NRXN3: variants seen among roughly 807,000 people sequenced by gnomAD.
NRXN3 encodes neurexin III.
Under a neutral mutation model 137.6 loss-of-function variants are expected in NRXN3, and 32 were observed. That is an observed-to-expected ratio of 0.23 (90% confidence interval 0.18 to 0.31). The LOEUF (loss-of-function observed/expected upper bound fraction) is 0.31. Among genes scored for constraint, NRXN3 ranks in the 10% least tolerant of loss-of-function variants. NRXN3 has a pLI of 1.00. For missense variants in NRXN3, 1,574 were observed against 2,062.5 expected (o/e 0.76, Z 4.59); for synonymous variants, 798 against 784.5 (o/e 1.02, Z -0.29).
At chr14:79,081,486 C>T (rs1419394025) in intron 15 of NRXN3, among the ~76,000 whole-genome samples, 1 of 151,976 alleles carries the variant, frequency 6.6e-6, no homozygotes, top group Non-Finnish European at 1.5e-5. Context: ...TGGTGGCATG[C>T]ACCTGTAGTA....
At chr14:78,815,535 T>C (rs144349134) in intron 10 of NRXN3, among the ~76,000 whole-genome samples, 1 of 150,108 alleles carries the variant, frequency 6.7e-6, no homozygotes, top group African/African-American at 2.4e-5. Flanking sequence ...CTTAAGTTTC[T>C]AAGCAGACTC....
At chr14:78,649,104 CT>C (rs1262482389) in intron 5 of NRXN3, among the ~76,000 whole-genome samples, 2 of 151,744 alleles carry the variant, frequency 1.3e-5, no homozygotes, top group African/African-American at 2.4e-5. Flanking sequence ...TGTCGGGTGC[CT>C]TTTTTTTGAG....
At chr14:78,567,813 C>T (rs1277951191) in intron 4 of NRXN3, among the ~76,000 whole-genome samples, 1 of 150,126 alleles carries the variant, frequency 6.7e-6, no homozygotes, top group Non-Finnish European at 1.5e-5. Flanking sequence ...CCTCTAAGTG[C>T]ACAGGAATAT....
At chr14:79,255,427 A>C (rs1160915360) in intron 15 of NRXN3, among the ~76,000 whole-genome samples, 2 of 152,220 alleles carry the variant, frequency 1.3e-5, no homozygotes, top group African/African-American at 4.8e-5. Flanking sequence ...AGAGTATGAC[A>C]ACCAGAGCCA....
intron 15 of NRXN3, among the ~76,000 whole-genome samples, chr14:79,016,916 T>G (rs1222921913): frequency 6.6e-6 from 1 of 152,078 alleles, no homozygotes; most frequent in African/African-American, 2.4e-5. Context: ...CAGAGTAGAC[T>G]CCAGAGTATC....
chr14:79,677,633 T>G (rs998182504), intron 17 of NRXN3, among the ~76,000 whole-genome samples: 5 of 152,166 alleles, frequency 3.3e-5, no homozygotes, highest in Non-Finnish European at 5.9e-5. Context: ...TGCTTCATTC[T>G]GTGACTTTCC....
chr14:78,235,429 CT>C (rs1460981281), intron 1 of NRXN3, among the ~76,000 whole-genome samples: 2 of 152,046 alleles, frequency 1.3e-5, no homozygotes, highest in Non-Finnish European at 2.9e-5. Flanking sequence ...AGTGACCAGT[CT>C]TCTTGGTCTG....
chr14:79,631,510 C>T (rs1191956178), intron 16 of NRXN3, among the ~76,000 whole-genome samples: 2 of 152,144 alleles, frequency 1.3e-5, no homozygotes, highest in Non-Finnish European at 2.9e-5. Flanking sequence ...GGCAAGGGTT[C>T]GGGCTCCGTG....
intron 4 of NRXN3, among the ~76,000 whole-genome samples, chr14:78,469,036 G>C (rs1348764283): frequency 6.6e-6 from 1 of 152,104 alleles, no homozygotes; most frequent in East Asian, 1.9e-4. Flanking sequence ...TAAGTTTAGA[G>C]TTTAGCAAAG....
intron 15 of NRXN3, among the ~76,000 whole-genome samples, chr14:79,040,006 T>G (rs2099622572): frequency 6.6e-6 from 1 of 152,190 alleles, no homozygotes; most frequent in East Asian, 1.9e-4. Context: ...TTCATTATCT[T>G]TCTTCAGATC....
chr14:79,494,280 T>C (rs958150163), intron 16 of NRXN3, among the ~76,000 whole-genome samples: 2 of 152,208 alleles, frequency 1.3e-5, no homozygotes, highest in Non-Finnish European at 2.9e-5. Flanking sequence ...GGATTAGACT[T>C]TCTTCATTAG....
chr14:79,154,695 G>A (rs2060100724), intron 15 of NRXN3, among the ~76,000 whole-genome samples: 1 of 151,828 alleles, frequency 6.6e-6, no homozygotes, highest in Non-Finnish European at 1.5e-5. Flanking sequence ...CCTATATCAT[G>A]AGACTTTGTG....
chr14:79,416,616 G>A (rs1309709385), intron 15 of NRXN3, among the ~76,000 whole-genome samples: 1 of 152,046 alleles, frequency 6.6e-6, no homozygotes, highest in Non-Finnish European at 1.5e-5. Context: ...TGTATGCCTT[G>A]TGATTTCTCA....
chr14:79,769,022 A>G (rs925030957), intron 19 of NRXN3, among the ~76,000 whole-genome samples: 2 of 152,070 alleles, frequency 1.3e-5, no homozygotes, highest in African/African-American at 4.8e-5. Context: ...AAAGGGTATC[A>G]GCAATGGAAG....
rs539510878 is a variant in NRXN3 at position 78,376,637 on chromosome 14, T to G, written c.757+78777T>G. 2.0e-5 allele frequency among the ~76,000 whole-genome samples: 3 copies of G among 152,148 alleles called. No individual in the cohort carries two copies. The South Asian group carries it at 6.2e-4, about 32-fold the overall frequency. On this transcript the variant is annotated intron_variant, in intron 4 of 20. Transcript: ENST00000335750. ...GCCTCCTGTATTCCATATCTGGAGC[T>G]AAAGAAGCTGAAAAGCTGGAAACAT...
intron 16 of NRXN3, among the ~76,000 whole-genome samples, chr14:79,479,970 G>T (rs1265937642): frequency 6.6e-6 from 1 of 152,160 alleles, no homozygotes; most frequent in African/African-American, 2.4e-5. Flanking sequence ...TATGATAAAT[G>T]CCATATCAGA....
intron 15 of NRXN3, among the ~76,000 whole-genome samples, chr14:79,062,620 C>A (rs55874922): frequency 1.3e-5 from 2 of 152,178 alleles, no homozygotes; most frequent in African/African-American, 4.8e-5. Context: ...ACACAAAGTG[C>A]GTCTCTGGTG....
At position 79,079,765 on chromosome 14, in the gene NRXN3, G is replaced by A. The variant is rs1232082123; in HGVS notation, c.3262+91624G>A. Among the ~76,000 whole-genome samples the A allele has an allele frequency of 2.0e-5, 3 of 152,032 alleles. No individual in the cohort carries two copies. The East Asian group carries it at 5.8e-4, about 29-fold the overall frequency. ...AGCATTTTGGGAGGCCGAGGCGGGT[G>A]GATCACAAGGTCAGGAGTTCGAGAC... On this transcript the variant is annotated intron_variant, in intron 15 of 20. Coordinates refer to ENST00000335750, the MANE Select transcript of NRXN3 (RefSeq NM_001330195.2).
intron 16 of NRXN3, chr14:79,611,566 C>G (rs916163582): frequency 6.6e-6 from 1 of 152,312 alleles, no homozygotes; most frequent in Admixed American, 6.5e-5. Context: ...TGCCACTGCA[C>G]TCCAGCCTGG....
Sources: allele counts gnomAD v4.1 joint callset (sites outside exome capture counted in the v4.1 genomes callset), GRCh38; gene constraint gnomAD v4.1.1; transcripts MANE v1.5; gene names NCBI Gene and HGNC (gene_info 2026-07-23, HGNC 2026-07-21).